Variants in SEL1L2 observed in about 807,000 individuals in gnomAD.
SEL1L2 encodes the protein protein sel-1 homolog 2.
A neutral mutation model predicts 98.8 loss-of-function variants in SEL1L2; 89 were observed. The observed-to-expected ratio is 0.90, with a 90% CI of 0.76 to 1.07. SEL1L2 has a LOEUF of 1.07. Among genes scored for constraint, SEL1L2 ranks in the 50% least tolerant of loss-of-function variants. The pLI is 0.00. For synonymous variants in SEL1L2, 262 were observed against 278.5 expected, an observed-to-expected ratio of 0.94 and a Z score of 0.59; for missense variants, 788 against 812.0, an observed-to-expected ratio of 0.97 and a Z score of 0.36.
chr20:13,968,201 T>C (rs1364093639), intron 1 of SEL1L2, among the ~76,000 whole-genome samples: 1 of 152,244 alleles, frequency 6.6e-6, no homozygotes, highest in Admixed American at 6.5e-5. Flanking sequence ...TTTTCTGGAA[T>C]AGTTCCGTTA....
At chr20:13,897,722 G>C (rs56306716) in intron 5 of SEL1L2, among the ~76,000 whole-genome samples, 2 of 151,962 alleles carry the variant, frequency 1.3e-5, no homozygotes, top group African/African-American at 4.8e-5. Context: ...ATAAGAGCCC[G>C]GGCATGGTGA....
At chr20:13,931,898 G>C in intron 2 of SEL1L2, 127 bp from the exon 3 acceptor site, 1 of 669,706 alleles carries the variant, frequency 1.5e-6, no homozygotes, top group Non-Finnish European at 2.2e-6. Flanking sequence ...TCTAATTCTT[G>C]CTTTTTTCAA....
upstream of SEL1L2, among the ~76,000 whole-genome samples, chr20:13,994,295 C>CAAAAAA (rs10557935): frequency 1.4e-5 from 1 of 70,952 alleles, no homozygotes; most frequent in Non-Finnish European, 2.6e-5. Context: ...AACTCTGCCT[C>CAAAAAA]AAAAAAAAAA....
upstream of SEL1L2, among the ~76,000 whole-genome samples, chr20:13,992,261 T>C (rs1601083282): frequency 6.6e-6 from 1 of 151,998 alleles, no homozygotes; most frequent in East Asian, 1.9e-4. Flanking sequence ...CCCAGTACTT[T>C]GGGAGGCTGA....
chr20:13,903,582 G>T (rs2047781456), intron 5 of SEL1L2, among the ~76,000 whole-genome samples: 2 of 152,162 alleles, frequency 1.3e-5, no homozygotes. Context: ...GGAGGCCGAG[G>T]CAGGCAGATC....
In SEL1L2 at chr20:13,967,471, T is replaced by C. The variant is rs547356811; in HGVS notation, c.59-11340A>G. Among the ~76,000 whole-genome samples, 28 of 152,350 alleles carry C rather than the reference T, an allele frequency of 1.8e-4. 1 individual carries two copies. In the South Asian group the frequency reaches 3.3e-3, roughly 18 times the overall value. Reference sequence around the variant, plus strand: ...TTTAAAAGGCACAGATACAGTCCTATATACACTGACAGATCTCTGGTTATA... The same window carrying C: ...TTTAAAAGGCACAGATACAGTCCTACATACACTGACAGATCTCTGGTTATA... On this transcript the variant is annotated intron_variant, in intron 1 of 19. Transcript: ENST00000284951.
At chr20:13,907,698 T>TTC (rs796298479) in intron 5 of SEL1L2, among the ~76,000 whole-genome samples, 1 of 124,282 alleles carries the variant, frequency 8.0e-6, no homozygotes, top group African/African-American at 3.0e-5. Flanking sequence ...CTTTCTTTCT[T>TTC]TCTCTTTCTT....
At position 13,888,503 on chromosome 20, in the gene SEL1L2, A is replaced by G; in HGVS notation, c.559T>C (p.Phe187Leu). 1.3e-6 allele frequency: 2 copies of G among 1,553,104 alleles called. No individual in the cohort carries two copies. Among genetic ancestry groups the G allele is most frequent in the Non-Finnish European group, 1.8e-6 (2 of 1,134,476 alleles). ...ATTCCTATTCCATAAGAAGACAAAA[A>G]TCCTAATGCCTAAAGCACAAAAGAA... ...GSCKAQNALGFLSSYGIGMEY... is the reference protein window; with the variant it reads ...GSCKAQNALGLLSSYGIGMEY... The change falls in exon 6 of 20, where the codon TTT becomes CTT. Residue 187 changes from phenylalanine to leucine, a missense_variant. By Grantham distance (22) the Phe-to-Leu change is conservative (BLOSUM62 0). Coordinates refer to ENST00000284951, the MANE Select transcript of SEL1L2 (RefSeq NM_025229.2).
Position 13,987,324 on chromosome 20 carries a change from T to TG in SEL1L2, c.58+3152_58+3153insC, listed in dbSNP as rs1327429945. ...TGTTAATTTACTGTTTTTTTTTTTT[T>TG]TTTTTTTGTTGTTGTTGTTGTTTTG... is the stretch of plus-strand genomic sequence containing the variant. On this transcript the variant is annotated intron_variant, in intron 1 of 19. Coordinates refer to ENST00000284951, the MANE Select transcript of SEL1L2 (RefSeq NM_025229.2). Among the ~76,000 whole-genome samples, 27 of 143,520 alleles carry TG rather than the reference T, an allele frequency of 1.9e-4. No homozygotes were observed. In the South Asian group the frequency reaches 2.1e-3, roughly 11 times the overall value. 94.2% of individuals were successfully genotyped at this position (143,520 alleles called of 152,430 possible). A position where few individuals can be genotyped will look rare whatever the true frequency, so the allele number is the denominator to read the frequency against.
intron 2 of SEL1L2, among the ~76,000 whole-genome samples, chr20:13,949,987 T>C (rs2050192147): frequency 6.6e-6 from 1 of 152,222 alleles, no homozygotes; most frequent in African/African-American, 2.4e-5. Flanking sequence ...GAACTATGAT[T>C]ACATATTTCA....
intron 5 of SEL1L2, among the ~76,000 whole-genome samples, chr20:13,907,203 A>T (rs118053772): frequency 0.02 from 3,110 of 152,202 alleles, 54 homozygotes; most frequent in Non-Finnish European, 0.028. Context: ...TAAGTTAAAT[A>T]TTTTTTTCTG....
intron 15 of SEL1L2, among the ~76,000 whole-genome samples, chr20:13,866,482 CA>C (rs1335733453): frequency 6.6e-6 from 1 of 152,164 alleles, no homozygotes; most frequent in African/African-American, 2.4e-5. Context: ...GATGAAAAGC[CA>C]AATGTCAGAG....
intron 1 of SEL1L2, among the ~76,000 whole-genome samples, chr20:13,970,939 A>AT (rs2051257732): frequency 1.3e-5 from 2 of 150,048 alleles, no homozygotes; most frequent in African/African-American, 2.4e-5. Flanking sequence ...AGGAATATTA[A>AT]TTTTTTCTCA....
chr20:13,940,945 G>A (rs879449277), intron 2 of SEL1L2, among the ~76,000 whole-genome samples: 2 of 152,200 alleles, frequency 1.3e-5, no homozygotes, highest in Non-Finnish European at 2.9e-5. Flanking sequence ...GGAAACTATT[G>A]CAGTCAACTA....
At position 13,970,703 on chromosome 20, in the gene SEL1L2, G is replaced by A. The variant is rs948296505; in HGVS notation, c.59-14572C>T. ...CAAAATTAGCCAAGCGTGGTGGCAGGTGCCTGTAATCCCAGCTACTCGGGA... is the reference window on the plus strand; with the variant it reads ...CAAAATTAGCCAAGCGTGGTGGCAGATGCCTGTAATCCCAGCTACTCGGGA... On this transcript the variant is annotated intron_variant, in intron 1 of 19. Transcript: ENST00000284951. Among the ~76,000 whole-genome samples, 4 of 151,902 alleles carry A rather than the reference G, an allele frequency of 2.6e-5. 1 individual carries two copies. Among genetic ancestry groups the A allele is most frequent in the African/African-American group, 4.8e-5 (2 of 41,366 alleles).
chr20:13,931,851 T>G (rs2049160334), intron 2 of SEL1L2, 80 bp from the exon 3 acceptor site: 1 of 1,219,302 alleles, frequency 8.2e-7, no homozygotes, highest in Non-Finnish European at 1.1e-6. Flanking sequence ...TGAAAATTCA[T>G]ATATTCATGG....
At chr20:13,868,493 C>T (rs1400105797) in intron 14 of SEL1L2, among the ~76,000 whole-genome samples, 1 of 152,312 alleles carries the variant, frequency 6.6e-6, no homozygotes, top group East Asian at 1.9e-4. Flanking sequence ...TATTTCTCAA[C>T]TTCCTGATCT....
chr20:13,947,391 T>A (rs2050064078), intron 2 of SEL1L2, among the ~76,000 whole-genome samples: 1 of 152,058 alleles, frequency 6.6e-6, no homozygotes, highest in South Asian at 2.1e-4. Flanking sequence ...ACTCTGAATC[T>A]CATCTCCAGT....
At chr20:13,970,099 T>A (rs946473144) in intron 1 of SEL1L2, among the ~76,000 whole-genome samples, 1 of 152,008 alleles carries the variant, frequency 6.6e-6, no homozygotes, top group African/African-American at 2.4e-5. Context: ...TTTGATTAAA[T>A]ACTTTTATTA....
Sources: allele counts gnomAD v4.1 joint callset (sites outside exome capture counted in the v4.1 genomes callset), GRCh38; gene constraint gnomAD v4.1.1; transcripts MANE v1.5; gene names NCBI Gene and HGNC (gene_info 2026-07-23, HGNC 2026-07-21).